CHST9: variants seen among roughly 807,000 people sequenced by gnomAD.
CHST9 encodes carbohydrate sulfotransferase 9.
In CHST9, 41 loss-of-function variants were observed where a neutral mutation model predicts 44.4. The observed-to-expected ratio is 0.92, with a 90% CI of 0.72 to 1.20. CHST9 has a LOEUF of 1.20. Ranked by LOEUF, CHST9 falls within the 50% of genes most tolerant of loss-of-function variation. CHST9 has a pLI of 0.00. For synonymous variants in CHST9, 171 were observed against 178.4 expected (o/e 0.96, Z 0.33); for missense variants, 504 against 516.5 (o/e 0.98, Z 0.23).
intron 1 of CHST9, among the ~76,000 whole-genome samples, chr18:27,184,410 C>T (rs1030799667): frequency 2.0e-5 from 3 of 152,142 alleles, no homozygotes; most frequent in African/African-American, 4.8e-5. Context: ...GATGTTCAAA[C>T]GGGGCAGAAG....
chr18:27,133,353 T>C (rs1411041416), intron 2 of CHST9, among the ~76,000 whole-genome samples: 2 of 152,164 alleles, frequency 1.3e-5, no homozygotes, highest in Admixed American at 1.3e-4. Context: ...CAGAAGACTT[T>C]AAGCAATTTG....
At chr18:26,998,786 C>T in intron 4 of CHST9, among the ~76,000 whole-genome samples, 1 of 150,422 alleles carries the variant, frequency 6.6e-6, no homozygotes, top group Non-Finnish European at 1.5e-5. Flanking sequence ...TCCAGATAGA[C>T]TATTATGTCT....
Position 26,917,176 on chromosome 18 carries a change from C to G in CHST9, c.415G>C (p.Ala139Pro). ...TEKLIEKRQG[A>P]KTVFNKFSNM... ...CTGAACTTGTTAAAAACAGTCTTAG[C>G]TCCTTGACGTTTTTCAATCAACTTC... Residue 139 changes from alanine (A) to proline (P), a missense_variant, in exon 6 of 6, where the codon GCT becomes CCT. By Grantham distance (27) the Ala-to-Pro change is conservative. Coordinates refer to ENST00000618847, the MANE Select transcript of CHST9 (RefSeq NM_031422.6). 1 of 1,613,896 alleles carries G rather than the reference C, an allele frequency of 6.2e-7. No individual in the cohort carries two copies. The highest frequency in any genetic ancestry group is 8.5e-7 in the Non-Finnish European group (1 of 1,179,866).
chr18:26,918,483 T>A (rs1337672565), intron 5 of CHST9, among the ~76,000 whole-genome samples: 2 of 151,460 alleles, frequency 1.3e-5, no homozygotes, highest in African/African-American at 4.9e-5. Flanking sequence ...CAAATATATA[T>A]ATACATGATA....
rs534153864 is a variant in CHST9 at position 26,949,499 on chromosome 18, T to C, written c.203-5133A>G. On this transcript the variant is annotated intron_variant, in intron 4 of 5. Transcript: ENST00000618847. ...ATTCAAGACAGTCCTAGAAACATAG[T>C]GAGACCCTGTCTGAAAATAAACAAA... 3.3e-5 allele frequency among the ~76,000 whole-genome samples: 5 copies of C among 151,806 alleles called. No individual in the cohort carries two copies. The South Asian group carries it at 1.0e-3, about 32-fold the overall frequency.
chr18:27,004,353 T>A (rs1244899437), intron 4 of CHST9, among the ~76,000 whole-genome samples: 22 of 151,784 alleles, frequency 1.4e-4, no homozygotes, highest in East Asian at 1.9e-4. Flanking sequence ...CTTTTTTTTT[T>A]TTATTATTAT....
chr18:26,986,220 G>C (rs2056753564), intron 4 of CHST9, among the ~76,000 whole-genome samples: 1 of 152,060 alleles, frequency 6.6e-6, no homozygotes, highest in Non-Finnish European at 1.5e-5. Context: ...ACTATATTCT[G>C]TATGGCCAAA....
chr18:26,994,081 G>T (rs2056856842), intron 4 of CHST9, among the ~76,000 whole-genome samples: 1 of 152,152 alleles, frequency 6.6e-6, no homozygotes, highest in South Asian at 2.1e-4. Context: ...CAGAATGGAT[G>T]AAGGCCCACT....
intron 4 of CHST9, among the ~76,000 whole-genome samples, chr18:26,998,730 C>CAA (rs2056914565): frequency 2.6e-5 from 2 of 76,098 alleles, no homozygotes; most frequent in East Asian, 3.3e-4. Context: ...CAAAACAAAA[C>CAA]AACAACAACA....
At chr18:27,159,070 T>A (rs1904702809) in intron 1 of CHST9, among the ~76,000 whole-genome samples, 1 of 152,222 alleles carries the variant, frequency 6.6e-6, no homozygotes, top group Admixed American at 6.5e-5. Context: ...GCCTGTTCAC[T>A]CTGATGGTAG....
chr18:27,044,863 C>G (rs1345137296), intron 3 of CHST9, among the ~76,000 whole-genome samples: 1 of 151,506 alleles, frequency 6.6e-6, no homozygotes, highest in Non-Finnish European at 1.5e-5. Context: ...TTTTTTTTAT[C>G]CTGAATGACT....
At chr18:27,133,074 C>T (rs950244747) in intron 2 of CHST9, among the ~76,000 whole-genome samples, 5 of 152,134 alleles carry the variant, frequency 3.3e-5, no homozygotes, top group African/African-American at 7.2e-5. Context: ...ATCCCCTGGA[C>T]GATAAATTTA....
intron 2 of CHST9, among the ~76,000 whole-genome samples, chr18:27,125,578 G>C (rs557277629): frequency 1.8e-4 from 27 of 152,098 alleles, no homozygotes; most frequent in Non-Finnish European, 3.5e-4. Context: ...AAGAATTAAT[G>C]AGAAAAATTC....
At position 26,991,656 on chromosome 18, in the gene CHST9, A is replaced by ATCT. The variant is rs554309963; in HGVS notation, c.202+32459_202+32460insAGA. Among the ~76,000 whole-genome samples, 3 of 130,646 alleles carry ATCT rather than the reference A, an allele frequency of 2.3e-5. 1 individual carries two copies. Among genetic ancestry groups the ATCT allele is most frequent in the Non-Finnish European group, 5.3e-5 (3 of 56,584 alleles). 85.7% of individuals were successfully genotyped at this position (130,646 alleles called of 152,430 possible). ...GGAAACAGGAGGAAGCAGCAAGGAA[A>ATCT]CTAAGAAGCACCTGCCAGTGAAAGC... On this transcript the variant is annotated intron_variant, in intron 4 of 5. Coordinates refer to ENST00000618847, the MANE Select transcript of CHST9 (RefSeq NM_031422.6).
chr18:27,137,318 G>A (rs1246732524), intron 2 of CHST9, among the ~76,000 whole-genome samples: 6,910 of 60,310 alleles, frequency 0.11, 267 homozygotes, highest in Admixed American at 0.18. Flanking sequence ...GTGTGTGTGT[G>A]TGTGTGTGTG....
chr18:26,939,312 G>A (rs777027778), intron 5 of CHST9, among the ~76,000 whole-genome samples: 2 of 152,168 alleles, frequency 1.3e-5, no homozygotes, highest in African/African-American at 2.4e-5. Flanking sequence ...GGATTAGTAC[G>A]TTGATGAAAT....
chr18:27,161,964 G>T (rs1421899923), intron 1 of CHST9, among the ~76,000 whole-genome samples: 1 of 151,678 alleles, frequency 6.6e-6, no homozygotes, highest in South Asian at 2.1e-4. Flanking sequence ...TTGCTTGGTA[G>T]ATCTTCCTCC....
At chr18:26,965,223 G>C (rs58569620) in intron 4 of CHST9, among the ~76,000 whole-genome samples, 1 of 152,078 alleles carries the variant, frequency 6.6e-6, no homozygotes, top group Non-Finnish European at 1.5e-5. Context: ...GTCATGGCCC[G>C]AAGCTGCACT....
At chr18:27,030,599 T>G (rs938787707) in intron 3 of CHST9, among the ~76,000 whole-genome samples, 1 of 152,240 alleles carries the variant, frequency 6.6e-6, no homozygotes, top group Non-Finnish European at 1.5e-5. Context: ...CAGCTTCCTG[T>G]GCACTGCCGG....
Sources: gnomAD v4.1 joint callset for allele counts (sites outside exome capture counted in the v4.1 genomes callset) on GRCh38, gnomAD v4.1.1 for gene constraint, MANE v1.5 for transcripts, NCBI Gene and HGNC (gene_info 2026-07-23, HGNC 2026-07-21) for gene names.